KRABD3: variants seen among roughly 807,000 people sequenced by gnomAD.
KRABD3 encodes the protein KRAB domain-containing protein 3.
the KRABD3 span, among the ~76,000 whole-genome samples, chr7:149,717,718 G>C: frequency 6.6e-6 from 1 of 151,802 alleles, no homozygotes; most frequent in East Asian, 1.9e-4. Flanking sequence ...GGCCAGAGGG[G>C]AGCACTGGTA....
chr7:149,718,378 G>A, the KRABD3 span, among the ~76,000 whole-genome samples: 1 of 152,086 alleles, frequency 6.6e-6, no homozygotes, highest in Non-Finnish European at 1.5e-5. Context: ...TTTCTCAACA[G>A]GAAGGACCCT....
the KRABD3 span, chr7:149,725,826 G>A: frequency 7.0e-6 from 10 of 1,421,778 alleles, no homozygotes; most frequent in East Asian, 2.5e-4. Flanking sequence ...TGCACCCCAT[G>A]GCCCAGGAGT....
the KRABD3 span, chr7:149,733,809 C>A: frequency 3.1e-6 from 5 of 1,604,680 alleles, no homozygotes; most frequent in Non-Finnish European, 3.4e-6. Context: ...CCCCTCCTCG[C>A]ACATACCGGG....
At chr7:149,725,028 G>A in the KRABD3 span, among the ~76,000 whole-genome samples, 10,804 of 152,306 alleles carry the variant, frequency 0.071, 537 homozygotes, top group Middle Eastern at 0.11. Context: ...CCAAGCCCCC[G>A]CTGCCTCGGG....
the KRABD3 span, chr7:149,722,683 G>T: frequency 6.7e-7 from 1 of 1,493,542 alleles, no homozygotes. Context: ...GCATTCTCAC[G>T]GGTGGGAATC....
the KRABD3 span, among the ~76,000 whole-genome samples, chr7:149,726,931 C>T: frequency 6.6e-6 from 1 of 152,134 alleles, no homozygotes. Context: ...ATAAAAATTT[C>T]CTTTTTGCAT....
At chr7:149,719,626 C>T in the KRABD3 span, 18 of 1,609,034 alleles carry the variant, frequency 1.1e-5, no homozygotes, top group South Asian at 2.0e-4. The surrounding 1 kb of genome is among the most constrained non-coding windows in gnomAD (Gnocchi z 5.6). Flanking sequence ...AGAGGGAGTT[C>T]TACCGAGACG....
At chr7:149,717,027 G>A in the KRABD3 span, among the ~76,000 whole-genome samples, 1 of 152,138 alleles carries the variant, frequency 6.6e-6, no homozygotes, top group African/African-American at 2.4e-5. Context: ...CCTGGCTCCT[G>A]AGGCTAGGCC....
At chr7:149,722,894 C>T in the KRABD3 span, 9 of 1,613,614 alleles carry the variant, frequency 5.6e-6, no homozygotes, top group Non-Finnish European at 7.6e-6. Flanking sequence ...CCACCTCTCC[C>T]TAGCCTGGGC....
chr7:149,715,130 A>G, the KRABD3 span: 3 of 1,230,488 alleles, frequency 2.4e-6, no homozygotes, highest in Non-Finnish European at 3.0e-6. Flanking sequence ...AGGGCGAGAA[A>G]GAGCTGGGAC....
the KRABD3 span, chr7:149,733,945 G>C: frequency 6.3e-7 from 1 of 1,599,094 alleles, no homozygotes; most frequent in Non-Finnish European, 8.5e-7. Flanking sequence ...GGATCCCAGA[G>C]CGGCCCAAGG....
chr7:149,733,340 G>C, the KRABD3 span: 9 of 1,612,248 alleles, frequency 5.6e-6, no homozygotes, highest in African/African-American at 1.2e-4. Context: ...ATGCCACTGT[G>C]GGAAGCCCCT....
At chr7:149,716,195 G>T in the KRABD3 span, among the ~76,000 whole-genome samples, 1 of 152,212 alleles carries the variant, frequency 6.6e-6, no homozygotes, top group East Asian at 1.9e-4. Context: ...AGCAGGTCTA[G>T]GTTGGGAAGG....
At chr7:149,729,499 T>A in the KRABD3 span, 1 of 1,262,038 alleles carries the variant, frequency 7.9e-7, no homozygotes, top group Non-Finnish European at 1.0e-6. Context: ...GGACAGAAGC[T>A]GGTGCCAAAC....
At chr7:149,731,903 G>T in the KRABD3 span, 1 of 634,194 alleles carries the variant, frequency 1.6e-6, no homozygotes, top group Non-Finnish European at 2.8e-6. Context: ...ATGCACTTCA[G>T]GTTGCATATT....
chr7:149,732,438 G>T, the KRABD3 span, among the ~76,000 whole-genome samples: 1 of 152,180 alleles, frequency 6.6e-6, no homozygotes, highest in Non-Finnish European at 1.5e-5. This position sits in a 1 kb window ranked among gnomAD's most constrained non-coding sequence, Gnocchi z 4.0. Flanking sequence ...GTGCCGAAAA[G>T]AGCAGGGCAG....
the KRABD3 span, chr7:149,733,488 C>G: frequency 1.3e-6 from 2 of 1,582,136 alleles, no homozygotes; most frequent in South Asian, 2.3e-5. Flanking sequence ...CCCCAAGGCC[C>G]TGGGCCAATG....
the KRABD3 span, among the ~76,000 whole-genome samples, chr7:149,727,206 G>A: frequency 2.6e-4 from 39 of 152,170 alleles, no homozygotes; most frequent in East Asian, 6.8e-3. Flanking sequence ...CACTCCCTCC[G>A]TGCTCACCTG....
chr7:149,718,446 A>G, the KRABD3 span, among the ~76,000 whole-genome samples: 2 of 151,938 alleles, frequency 1.3e-5, no homozygotes, highest in Non-Finnish European at 2.9e-5. Context: ...CCATAATTTT[A>G]AATTCAAGCC....
Sources: gnomAD v4.1 joint callset for allele counts (sites outside exome capture counted in the v4.1 genomes callset) on GRCh38, gnomAD v4.1.1 for gene constraint, Gnocchi (gnomAD v3.1) non-coding constraint, MANE v1.5 for transcripts, NCBI Gene and HGNC (gene_info 2026-07-23, HGNC 2026-07-21) for gene names.